Variants in PTPRT observed in about 807,000 individuals in gnomAD.
The protein encoded by PTPRT is receptor-type tyrosine-protein phosphatase T.
In PTPRT, 56 loss-of-function variants were observed where a neutral mutation model predicts 176.8. The ratio of observed to expected loss-of-function variants is 0.32; its 90% CI spans 0.26 to 0.40. PTPRT has a LOEUF of 0.40. Ranked by LOEUF, PTPRT falls within the 10% of genes least tolerant of loss-of-function variation. PTPRT has a pLI of 1.00. For missense variants in PTPRT, 1,540 were observed against 1,908.2 expected, an observed-to-expected ratio of 0.81 and a Z score of 3.60; for synonymous variants, 783 against 739.0, an observed-to-expected ratio of 1.06 and a Z score of -0.96.
chr20:42,316,244 T>G lies in PTPRT; in HGVS notation c.1866-248A>C, dbSNP rs141911006. ...AACTTAGCCCCAACCCCTACAAACC[T>G]GTCTGCTCCTCCTTCTACATTTCCT... On this transcript the variant is annotated intron_variant, in intron 11 of 30. Transcript: ENST00000373187. 4.6e-3 allele frequency among the ~76,000 whole-genome samples: 694 copies of G among 152,298 alleles called. 6 individuals carry two copies. The highest frequency in any genetic ancestry group is 0.016 in the African/African-American group (652 of 41,580).
intron 6 of PTPRT, among the ~76,000 whole-genome samples, chr20:42,737,822 C>T (rs966743034): frequency 1.4e-4 from 22 of 152,314 alleles, no homozygotes; most frequent in African/African-American, 5.3e-4. Context: ...TTATACCTCA[C>T]AATTGTACAG....
intron 7 of PTPRT, among the ~76,000 whole-genome samples, chr20:42,675,996 C>T (rs2075494823): frequency 6.6e-6 from 1 of 152,202 alleles, no homozygotes; most frequent in African/African-American, 2.4e-5. Context: ...TGAATGCATA[C>T]TGCTCCAGTC....
At chr20:43,157,577 T>G (rs1392568385) in intron 1 of PTPRT, among the ~76,000 whole-genome samples, 2 of 152,188 alleles carry the variant, frequency 1.3e-5, no homozygotes, top group Non-Finnish European at 2.9e-5. Flanking sequence ...GGAAGGAGAC[T>G]CACTAATTTT....
chr20:43,102,284 T>TCACACACACACACACACACACA (rs57029983), intron 1 of PTPRT, among the ~76,000 whole-genome samples: 5 of 140,452 alleles, frequency 3.6e-5, no homozygotes, highest in African/African-American at 1.3e-4. Flanking sequence ...CACTCACACA[T>TCACACACACACACACACACACA]CACACACACA....
chr20:42,862,562 C>T (rs2078680883), intron 2 of PTPRT, among the ~76,000 whole-genome samples: 1 of 152,120 alleles, frequency 6.6e-6, no homozygotes, highest in Non-Finnish European at 1.5e-5. Context: ...GGCAAAGCTG[C>T]TTTCTTAATT....
At chr20:42,165,739 G>C (rs1487214655) in intron 16 of PTPRT, among the ~76,000 whole-genome samples, 1 of 152,138 alleles carries the variant, frequency 6.6e-6, no homozygotes, top group Non-Finnish European at 1.5e-5. Context: ...TTTACAGGTG[G>C]CTTATGTCTA....
At chr20:42,773,931 A>G (rs1382421758) in intron 4 of PTPRT, among the ~76,000 whole-genome samples, 1 of 152,170 alleles carries the variant, frequency 6.6e-6, no homozygotes, top group Non-Finnish European at 1.5e-5. Flanking sequence ...TTAGCAATGA[A>G]TCTTTTCTGG....
intron 16 of PTPRT, among the ~76,000 whole-genome samples, chr20:42,181,667 A>C (rs1353568384): frequency 6.6e-6 from 1 of 152,208 alleles, no homozygotes; most frequent in African/African-American, 2.4e-5. Context: ...ATCCTGACTT[A>C]AAATTAGCAT....
rs190457662 is a variant in PTPRT at position 42,894,941 on chromosome 20, T to C, written c.89-9009A>G. ...AACAGGGGGTGGTGTGGGCCTCACA[T>C]AGTAATCGCTGGTATGTGAAGAGCT... On this transcript the variant is annotated intron_variant, in intron 1 of 30. Coordinates refer to ENST00000373187, the MANE Select transcript of PTPRT (RefSeq NM_007050.6). 2.7e-3 allele frequency among the ~76,000 whole-genome samples: 404 copies of C among 152,236 alleles called. 1 individual carries two copies. The highest frequency in any genetic ancestry group is 9.2e-3 in the African/African-American group (382 of 41,534).
intron 6 of PTPRT, among the ~76,000 whole-genome samples, chr20:42,710,142 G>C (rs187479451): frequency 1.2e-4 from 18 of 152,316 alleles, no homozygotes; most frequent in African/African-American, 4.1e-4. Flanking sequence ...AAAATCTGCA[G>C]CCTGGCCATA....
intron 9 of PTPRT, among the ~76,000 whole-genome samples, chr20:42,375,029 C>T (rs1296974225): frequency 7.2e-5 from 11 of 152,202 alleles, no homozygotes; most frequent in African/African-American, 1.9e-4. Flanking sequence ...AATTAACATT[C>T]GACCAAAGTA....
chr20:42,903,025 C>T (rs1430701260), intron 1 of PTPRT, among the ~76,000 whole-genome samples: 1 of 152,282 alleles, frequency 6.6e-6, no homozygotes, highest in Non-Finnish European at 1.5e-5. Flanking sequence ...ACAATGAAAA[C>T]AGGGAGAGAA....
At chr20:42,729,346 T>C (rs1349417550) in intron 6 of PTPRT, among the ~76,000 whole-genome samples, 1 of 152,206 alleles carries the variant, frequency 6.6e-6, no homozygotes, top group Non-Finnish European at 1.5e-5. Flanking sequence ...TTTCTGTTGC[T>C]TGTAATCAAG....
At chr20:42,779,974 T>G (rs1017114179) in intron 4 of PTPRT, among the ~76,000 whole-genome samples, 2 of 152,162 alleles carry the variant, frequency 1.3e-5, no homozygotes, top group Non-Finnish European at 2.9e-5. Flanking sequence ...TGGAGAGAGA[T>G]TCAAACAAAG....
intron 7 of PTPRT, among the ~76,000 whole-genome samples, chr20:42,555,013 C>T (rs2072835467): frequency 6.6e-6 from 1 of 152,148 alleles, no homozygotes; most frequent in Non-Finnish European, 1.5e-5. Flanking sequence ...CTGCCTGTCC[C>T]AATTGCTTAT....
At chr20:43,041,586 T>C (rs940209505) in intron 1 of PTPRT, among the ~76,000 whole-genome samples, 1 of 152,150 alleles carries the variant, frequency 6.6e-6, no homozygotes, top group Non-Finnish European at 1.5e-5. Flanking sequence ...TGCCACCTAC[T>C]TCCCTTAGAT....
intron 1 of PTPRT, among the ~76,000 whole-genome samples, chr20:43,041,855 A>G (rs1986619679): frequency 6.6e-6 from 1 of 152,234 alleles, no homozygotes; most frequent in Non-Finnish European, 1.5e-5. Context: ...GGGAAAATTG[A>G]GTACATGAGG....
chr20:43,112,312 G>T (rs999746159), intron 1 of PTPRT, among the ~76,000 whole-genome samples: 2 of 152,296 alleles, frequency 1.3e-5, no homozygotes, highest in South Asian at 4.1e-4. Flanking sequence ...TCTAAAGGGT[G>T]CCAAGGACTA....
At chr20:43,135,479 C>T (rs79928923) in intron 1 of PTPRT, among the ~76,000 whole-genome samples, 2,638 of 152,248 alleles carry the variant, frequency 0.017, 72 homozygotes, top group African/African-American at 0.06. Context: ...TCAAAATATT[C>T]ACATTGATGG....
Sources: allele counts gnomAD v4.1 joint callset (sites outside exome capture counted in the v4.1 genomes callset), GRCh38; gene constraint gnomAD v4.1.1; transcripts MANE v1.5; gene names NCBI Gene and HGNC (gene_info 2026-07-23, HGNC 2026-07-21).